The following TEX9 variants were observed in gnomAD, a reference collection of about 807,000 sequenced individuals.
TEX9 encodes testis-expressed protein 9.
A neutral mutation model predicts 59.6 loss-of-function variants in TEX9; 74 were observed. The observed-to-expected ratio is 1.24, with a 90% confidence interval of 1.03 to 1.51. TEX9 has a LOEUF of 1.51. TEX9 is among the 40% of genes most tolerant of loss of function. The probability of loss-of-function intolerance (pLI) is 0.00; values close to 1 mark genes in which losing one functional copy is unlikely to be tolerated. For missense variants in TEX9, 522 were observed against 447.8 expected (o/e 1.17, Z -1.49); for synonymous variants, 186 against 152.2 (o/e 1.22, Z -1.64).
chr15:56,349,769 G>T (rs1231147228), intron 1 of TEX9, among the ~76,000 whole-genome samples: 2 of 151,774 alleles, frequency 1.3e-5, no homozygotes, highest in African/African-American at 4.8e-5. Context: ...ATACACACGT[G>T]TATATACTTG....
chr15:56,275,862 A>C (rs2044655708), intron 1 of TEX9, among the ~76,000 whole-genome samples: 1 of 152,000 alleles, frequency 6.6e-6, no homozygotes, highest in African/African-American at 2.4e-5. Context: ...GCTTGCAATA[A>C]ATTGCCTTCA....
intron 1 of TEX9, among the ~76,000 whole-genome samples, chr15:56,292,117 T>C (rs1431038895): frequency 6.6e-6 from 1 of 152,230 alleles, no homozygotes; most frequent in Non-Finnish European, 1.5e-5. Flanking sequence ...TTCCCCATAG[T>C]TAGGATACAT....
chr15:56,452,853 A>C, the TEX9 span, among the ~76,000 whole-genome samples: 2 of 152,108 alleles, frequency 1.3e-5, no homozygotes, highest in Non-Finnish European at 2.9e-5. Flanking sequence ...GCCACAGTGA[A>C]TCATCCTCAG....
intron 9 of TEX9, among the ~76,000 whole-genome samples, chr15:56,402,647 A>G (rs939892234): frequency 6.6e-6 from 1 of 152,240 alleles, no homozygotes; most frequent in Non-Finnish European, 1.5e-5. Context: ...TGAGGCCAAC[A>G]TCATCCTGAT....
intron 10 of TEX9, among the ~76,000 whole-genome samples, chr15:56,413,278 A>T (rs887456820): frequency 7.5e-3 from 14 of 1,868 alleles, no homozygotes; most frequent in South Asian, 0.062. Flanking sequence ...TTTAATAATT[A>T]AATAATTTAA....
At chr15:56,268,330 T>C (rs139772613) in intron 1 of TEX9, among the ~76,000 whole-genome samples, 1 of 152,196 alleles carries the variant, frequency 6.6e-6, no homozygotes, top group Non-Finnish European at 1.5e-5. Context: ...TTCTCTTGCC[T>C]GGTTGCCCTG....
chr15:56,322,338 C>T (rs909804964), intron 1 of TEX9, among the ~76,000 whole-genome samples: 6 of 152,082 alleles, frequency 3.9e-5, no homozygotes, highest in African/African-American at 1.4e-4. Context: ...GTCACCTTTG[C>T]ATTTTTAAAG....
exon 4 of TEX9, chr15:56,384,020 T>C (rs2047854119): frequency 1.2e-6 from 2 of 1,612,614 alleles, no homozygotes; most frequent in South Asian, 1.1e-5. Context: ...ACGAAGATGA[T>C]TACAGTTTAA....
Position 56,371,461 on chromosome 15 carries a change from A to AT in TEX9, c.120-1970dup, listed in dbSNP as rs11336443. Reference sequence around the variant, plus strand: ...TCTTGCCTAATGTTTTTCTAAGTGCATTTTTTTTTTCCAAATTAATGCTAA... The same window carrying AT: ...TCTTGCCTAATGTTTTTCTAAGTGCATTTTTTTTTTTCCAAATTAATGCTAA... On this transcript the variant is annotated intron_variant, in intron 2 of 12. Coordinates refer to ENST00000352903, the Ensembl canonical transcript of TEX9. 9.3e-3 allele frequency among the ~76,000 whole-genome samples: 1,385 copies of AT among 148,936 alleles called. 21 individuals are homozygous for AT. Among genetic ancestry groups the AT allele is most frequent in the African/African-American group, 0.031 (1,250 of 40,598 alleles).
chr15:56,448,331 A>C (rs1464938539), downstream of TEX9, among the ~76,000 whole-genome samples: 3 of 152,212 alleles, frequency 2.0e-5, no homozygotes, highest in Non-Finnish European at 4.4e-5. Context: ...TTTGGAGTAC[A>C]GCTCCTGTCA....
intron 1 of TEX9, among the ~76,000 whole-genome samples, chr15:56,346,551 A>C (rs1305049844): frequency 6.6e-6 from 1 of 152,200 alleles, no homozygotes; most frequent in Non-Finnish European, 1.5e-5. Flanking sequence ...CAAAGTCTTG[A>C]GTCTTCTAAC....
chr15:56,418,105 AC>A (rs2049788485), intron 10 of TEX9, among the ~76,000 whole-genome samples: 1 of 151,920 alleles, frequency 6.6e-6, no homozygotes, highest in Non-Finnish European at 1.5e-5. Flanking sequence ...AAGACAGCAT[AC>A]CATTTGAGTC....
At chr15:56,331,702 T>A (rs553357294) in intron 1 of TEX9, among the ~76,000 whole-genome samples, 55 of 151,660 alleles carry the variant, frequency 3.6e-4, no homozygotes, top group Admixed American at 1.0e-3. Flanking sequence ...TAAAAAAAAA[T>A]TTTTAAATAA....
chr15:56,362,672 C>T (rs1401044430), upstream of TEX9, among the ~76,000 whole-genome samples: 9 of 152,126 alleles, frequency 5.9e-5, no homozygotes, highest in African/African-American at 1.4e-4. Context: ...TTTTCACTAG[C>T]GCCCCCCAAA....
At position 56,393,741 on chromosome 15, in the gene TEX9, C is replaced by T. The variant is rs145100496; in HGVS notation, c.572-424C>T. ...CTTTGCTTCAAAGACACATATACTA[C>T]ATTTTAACTGCTCAGAAATTGGGAT... On this transcript the variant is annotated intron_variant, in intron 7 of 12. Transcript: ENST00000352903. 1,068 of 157,246 alleles carry T rather than the reference C, an allele frequency of 6.8e-3. 13 individuals are homozygous for T. The highest frequency in any genetic ancestry group is 0.024 in the African/African-American group (1,000 of 41,596). The allele number at this position is 157,246 out of a possible 1,614,324, so 9.7% of individuals were successfully genotyped here.
intron 4 of TEX9, among the ~76,000 whole-genome samples, chr15:56,387,501 C>G: frequency 6.6e-6 from 1 of 151,690 alleles, no homozygotes; most frequent in Non-Finnish European, 1.5e-5. Context: ...CTAAGTATAT[C>G]TTTGTATTTA....
intron 1 of TEX9, chr15:56,323,599 C>CA (rs34918435): frequency 0.5 from 77,256 of 155,858 alleles, 20,602 homozygotes; most frequent in Non-Finnish European, 0.6. Flanking sequence ...CCTGATGCAG[C>CA]AAAAAAACGG....
rs1443662995 is a variant in TEX9 at position 56,349,739 on chromosome 15, A to G, written c.-106-23702A>G. Among the ~76,000 whole-genome samples, 6 of 151,214 alleles carry G rather than the reference A, an allele frequency of 4.0e-5. No homozygotes were observed. In the East Asian group the frequency reaches 1.2e-3, roughly 29 times the overall value. On this transcript the variant is annotated intron_variant, in intron 1 of 5. Transcript: ENST00000560827. ...TATATAAGCACATATACACACGTGT[A>G]TATATGTGTGTGTATATATATACAC...
intron 1 of TEX9, among the ~76,000 whole-genome samples, chr15:56,255,212 A>T (rs1354080523): frequency 2.6e-5 from 4 of 152,146 alleles, no homozygotes; most frequent in African/African-American, 9.7e-5. Context: ...AGTCATAGAT[A>T]ATATGTAAAT....
Sources: allele counts gnomAD v4.1 joint callset (sites outside exome capture counted in the v4.1 genomes callset), GRCh38; gene constraint gnomAD v4.1.1; transcripts MANE v1.5; gene names NCBI Gene and HGNC (gene_info 2026-07-23, HGNC 2026-07-21).